Variants in TEX9 observed in about 807,000 individuals in gnomAD.
TEX9 encodes testis-expressed protein 9.
TEX9 carries 74 observed loss-of-function variants against 59.6 expected under a neutral mutation model. The ratio of observed to expected loss-of-function variants is 1.24; its 90% CI spans 1.03 to 1.51. TEX9 has a LOEUF of 1.51. TEX9 is among the 40% of genes most tolerant of loss of function. TEX9 has a pLI of 0.00. For missense variants in TEX9, 522 were observed against 447.8 expected (o/e 1.17, Z -1.49); for synonymous variants, 186 against 152.2 (o/e 1.22, Z -1.64).
chr15:56,361,838 A>C (rs2046794967), upstream of TEX9, among the ~76,000 whole-genome samples: 1 of 152,242 alleles, frequency 6.6e-6, no homozygotes, highest in Non-Finnish European at 1.5e-5. Context: ...AATGCCAAGA[A>C]GTGACAGCCA....
intron 9 of TEX9, chr15:56,395,667 C>A (rs1319756213): frequency 1.3e-5 from 2 of 152,126 alleles, no homozygotes; most frequent in Non-Finnish European, 2.9e-5. Context: ...AGCCATACTG[C>A]AAGTGTAAAA....
chr15:56,413,364 ATAAT>A (rs1232657339), intron 10 of TEX9, among the ~76,000 whole-genome samples: 2 of 149,652 alleles, frequency 1.3e-5, no homozygotes, highest in African/African-American at 4.9e-5. Flanking sequence ...ATTCTGTTTA[ATAAT>A]TAAACTATTT....
chr15:56,431,582 TTAGA>T, intron 12 of TEX9: 2 of 1,363,834 alleles, frequency 1.5e-6, no homozygotes, highest in Non-Finnish European at 2.0e-6. Flanking sequence ...ATGCAATGAA[TTAGA>T]TAAAATTGAT....
chr15:56,332,476 G>C (rs7173861), intron 1 of TEX9, among the ~76,000 whole-genome samples: 72,420 of 132,668 alleles, frequency 0.55, 19,389 homozygotes, highest in Non-Finnish European at 0.56. Context: ...TCGTGGGGTG[G>C]GGGGAGGGGG....
chr15:56,435,104 TA>T (rs2050697893), intron 12 of TEX9, among the ~76,000 whole-genome samples: 1 of 152,028 alleles, frequency 6.6e-6, no homozygotes, highest in South Asian at 2.1e-4. Context: ...TTGTAGTTAA[TA>T]AAAGTGAGAC....
At chr15:56,321,908 G>C (rs1475708224) in intron 1 of TEX9, among the ~76,000 whole-genome samples, 1 of 151,950 alleles carries the variant, frequency 6.6e-6, no homozygotes, top group Non-Finnish European at 1.5e-5. Context: ...TAGTTGCCGG[G>C]GTTAGGAGTG....
rs1172618547 is a variant in TEX9, at chr15:56,339,400, A to ACAAAAAAAC, written c.-106-34041_-106-34040insCAAAAAAAC. Among the ~76,000 whole-genome samples, 3 of 135,244 alleles carry ACAAAAAAAC rather than the reference A, an allele frequency of 2.2e-5. 1 individual carries two copies. Among genetic ancestry groups the ACAAAAAAAC allele is most frequent in the Non-Finnish European group, 4.8e-5 (3 of 62,992 alleles). 88.7% of individuals were successfully genotyped at this position (135,244 alleles called of 152,430 possible). A position where few individuals can be genotyped will look rare whatever the true frequency, so the allele number is the denominator to read the frequency against. On this transcript the variant is annotated intron_variant, in intron 1 of 5. Coordinates refer to the TEX9 transcript ENST00000560827. Reference sequence around the variant, plus strand: ...TCCTTCTCCAAAAAAAAAAAAAAAAAAAAAAAAAAAAAAACAGGAGAATAA... The same window carrying ACAAAAAAAC: ...TCCTTCTCCAAAAAAAAAAAAAAAAACAAAAAAACAAAAAAAAAAAAAACAGGAGAATAA...
chr15:56,276,148 T>C (rs1413849285), intron 1 of TEX9, among the ~76,000 whole-genome samples: 2 of 151,952 alleles, frequency 1.3e-5, no homozygotes, highest in African/African-American at 4.8e-5. Flanking sequence ...TCTCTAAACT[T>C]TTTTTTTAAT....
intron 1 of TEX9, among the ~76,000 whole-genome samples, chr15:56,304,108 A>G (rs1242822240): frequency 4.6e-5 from 7 of 152,236 alleles, no homozygotes; most frequent in African/African-American, 1.7e-4. Flanking sequence ...TATTCTAGAA[A>G]ATAGAAGGAG....
intron 9 of TEX9, among the ~76,000 whole-genome samples, chr15:56,401,241 CAT>C (rs1433355604): frequency 7.3e-6 from 1 of 136,104 alleles, no homozygotes; most frequent in Non-Finnish European, 1.5e-5. Context: ...AGACCCATCT[CAT>C]GTGCAGAGAC....
chr15:56,391,928 A>G (rs2048235329), intron 7 of TEX9, among the ~76,000 whole-genome samples: 1 of 152,124 alleles, frequency 6.6e-6, no homozygotes, highest in Non-Finnish European at 1.5e-5. Flanking sequence ...TTTTCTTCTT[A>G]TTAACTCATT....
In TEX9 at chr15:56,394,743, AAC is replaced by A; in HGVS notation, c.739_740del (p.Gln247ValfsTer18). 1 of 1,612,328 alleles carries A rather than the reference AAC, an allele frequency of 6.2e-7. No homozygotes were observed. The highest frequency in any genetic ancestry group is 8.5e-7 in the Non-Finnish European group (1 of 1,179,240). Reference sequence around the variant, plus strand: ...AGACAGCAGCGAACAATTAATATGCAACAGTCTCAAGTAGAAAAATACAAAAC... The same window carrying A: ...AGACAGCAGCGAACAATTAATATGCAAGTCTCAAGTAGAAAAATACAAAAC... On this transcript the variant is annotated frameshift_variant, in exon 9 of 13. Coordinates refer to ENST00000352903, the Ensembl canonical transcript of TEX9. LOFTEE classifies it high-confidence loss of function.
chr15:56,285,961 C>T (rs189591801), intron 1 of TEX9, among the ~76,000 whole-genome samples: 183 of 152,216 alleles, frequency 1.2e-3, no homozygotes, highest in Non-Finnish European at 1.3e-3. Flanking sequence ...AGTTTAGTGG[C>T]AGGAGTACAG....
intron 1 of TEX9, among the ~76,000 whole-genome samples, chr15:56,264,821 C>A (rs1234724686): frequency 1.3e-5 from 2 of 152,194 alleles, no homozygotes; most frequent in Non-Finnish European, 2.9e-5. Flanking sequence ...CTTTTTCCAA[C>A]AGATGTCCTT....
intron 1 of TEX9, among the ~76,000 whole-genome samples, chr15:56,333,726 A>G (rs933025448): frequency 6.6e-6 from 1 of 152,190 alleles, no homozygotes; most frequent in African/African-American, 2.4e-5. Flanking sequence ...GAAAGGAAAA[A>G]GTCAAATTAT....
chr15:56,335,615 A>C (rs1596099579), intron 1 of TEX9, among the ~76,000 whole-genome samples: 3 of 152,286 alleles, frequency 2.0e-5, no homozygotes, highest in African/African-American at 7.2e-5. Flanking sequence ...GTAAAAACTA[A>C]TTTAGTTGTA....
exon 7 of TEX9, chr15:56,391,378 AGAT>A (rs762739285): frequency 1.9e-6 from 3 of 1,564,010 alleles, no homozygotes; most frequent in East Asian, 4.6e-5. Context: ...CTGAATATAT[AGAT>A]GATATTTTTT....
intron 1 of TEX9, among the ~76,000 whole-genome samples, chr15:56,282,070 A>G (rs529939689): frequency 1.7e-4 from 26 of 152,336 alleles, no homozygotes; most frequent in Admixed American, 9.8e-4. Flanking sequence ...CTTCTTATTT[A>G]ACATAGGTGA....
chr15:56,434,465 A>G, intron 12 of TEX9: 11 of 1,459,004 alleles, frequency 7.5e-6, no homozygotes, highest in Non-Finnish European at 1.0e-5. Context: ...AAAGAGTGAT[A>G]GAGTTTGGTT....
Sources: gnomAD v4.1 joint callset for allele counts (sites outside exome capture counted in the v4.1 genomes callset) on GRCh38, gnomAD v4.1.1 for gene constraint, MANE v1.5 for transcripts, NCBI Gene and HGNC (gene_info 2026-07-23, HGNC 2026-07-21) for gene names.